RSRC1: variants seen among roughly 807,000 people sequenced by gnomAD.
RSRC1 encodes the protein arginine and serine rich coiled-coil 1, also known as serine/Arginine-related protein 53.
In RSRC1, 39 loss-of-function variants were observed where a neutral mutation model predicts 49.1. The ratio of observed to expected loss-of-function variants is 0.79; its 90% CI spans 0.61 to 1.04. The LOEUF is 1.04. Ranked by LOEUF, RSRC1 falls within the 50% of genes least tolerant of loss-of-function variation. RSRC1 has a pLI of 0.00. For synonymous variants in RSRC1, 143 were observed against 130.8 expected, an observed-to-expected ratio of 1.09 and a Z score of -0.63; for missense variants, 388 against 402.4, an observed-to-expected ratio of 0.96 and a Z score of 0.31.
intron 4 of RSRC1, among the ~76,000 whole-genome samples, chr3:158,244,049 A>G (rs1297300255): frequency 1.4e-5 from 2 of 147,758 alleles, no homozygotes; most frequent in African/African-American, 5.0e-5. Context: ...TTTTTTATAT[A>G]TAGGATTACA....
chr3:158,292,357 T>C lies in RSRC1; in HGVS notation c.495-5682T>C, dbSNP rs1180717164. Among the ~76,000 whole-genome samples the C allele has an allele frequency of 3.3e-5, 5 of 152,130 alleles. No individual in the cohort carries two copies. The East Asian group carries it at 9.6e-4, about 29-fold the overall frequency. ...TTAATATTGCAGTCTAATTCAGAAA[T>C]CGATGTGCTGCATGAGGGGAAGGGA... On this transcript the variant is annotated intron_variant, in intron 4 of 9. Transcript: ENST00000611884.
rs551111962 is a variant in RSRC1, at chr3:158,339,883, G to C, written c.532-14974G>C. 3.1e-4 allele frequency among the ~76,000 whole-genome samples: 47 copies of C among 152,300 alleles called. No homozygotes were observed. In the South Asian group the frequency reaches 4.8e-3, roughly 15 times the overall value. ...AGGGCATTACAGGAAGACAGAGCAG[G>C]AAATTGTAATCATCAGGAAGAGAGT... On this transcript the variant is annotated intron_variant, in intron 5 of 9. Coordinates refer to ENST00000611884, the MANE Select transcript of RSRC1 (RefSeq NM_001271838.2).
intron 6 of RSRC1, among the ~76,000 whole-genome samples, chr3:158,377,078 T>C (rs1433684372): frequency 1.3e-5 from 2 of 152,306 alleles, no homozygotes; most frequent in Middle Eastern, 3.4e-3. Flanking sequence ...GTTTAGTCAT[T>C]GAAGTCATTG....
At chr3:158,361,650 A>G (rs769837449) in intron 6 of RSRC1, among the ~76,000 whole-genome samples, 5 of 152,210 alleles carry the variant, frequency 3.3e-5, no homozygotes, top group African/African-American at 1.2e-4. Flanking sequence ...TTATGTTTCT[A>G]TGCTTAAGGT....
intron 6 of RSRC1, among the ~76,000 whole-genome samples, chr3:158,442,398 A>G (rs937359983): frequency 6.6e-6 from 1 of 152,142 alleles, no homozygotes; most frequent in African/African-American, 2.4e-5. Context: ...GTCATTTTTA[A>G]CAATGTCCCC....
At chr3:158,339,040 C>T (rs932271832) in intron 5 of RSRC1, among the ~76,000 whole-genome samples, 11 of 152,026 alleles carry the variant, frequency 7.2e-5, no homozygotes, top group African/African-American at 9.7e-5. Context: ...CGCCTGTAAT[C>T]CCAGCACTTT....
At chr3:158,229,323 CACAG>C (rs1313417887) in intron 4 of RSRC1, among the ~76,000 whole-genome samples, 2 of 147,544 alleles carry the variant, frequency 1.4e-5, no homozygotes, top group Non-Finnish European at 3.0e-5. Flanking sequence ...TATAAACATA[CACAG>C]GTATATGTGT....
At chr3:158,425,831 T>C (rs183340116) in intron 6 of RSRC1, among the ~76,000 whole-genome samples, 1 of 151,952 alleles carries the variant, frequency 6.6e-6, no homozygotes, top group East Asian at 2.0e-4. Context: ...AAAATTCATA[T>C]TGAATAGCAA....
At chr3:158,312,423 A>T (rs1222763675) in intron 5 of RSRC1, among the ~76,000 whole-genome samples, 3 of 152,182 alleles carry the variant, frequency 2.0e-5, no homozygotes, top group African/African-American at 7.2e-5. Flanking sequence ...TGGAATGATG[A>T]ACCAGATCAG....
At chr3:158,462,487 C>T (rs1477930571) in intron 7 of RSRC1, among the ~76,000 whole-genome samples, 1 of 151,802 alleles carries the variant, frequency 6.6e-6, no homozygotes, top group African/African-American at 2.4e-5. Flanking sequence ...TGGTTATTAG[C>T]CTAATCCTAT....
At chr3:158,186,296 A>T (rs577999017) in intron 3 of RSRC1, among the ~76,000 whole-genome samples, 1 of 152,106 alleles carries the variant, frequency 6.6e-6, no homozygotes, top group African/African-American at 2.4e-5. Flanking sequence ...CAGAATACAT[A>T]TGGCCCTTGT....
chr3:158,435,952 TTAATG>T (rs1471349577), intron 6 of RSRC1, among the ~76,000 whole-genome samples: 1 of 136,168 alleles, frequency 7.3e-6, no homozygotes, highest in Non-Finnish European at 1.7e-5. Context: ...AATGTACTAA[TTAATG>T]TAATTTTTTG....
At chr3:158,451,226 A>G (rs1441097245) in intron 6 of RSRC1, among the ~76,000 whole-genome samples, 1 of 151,952 alleles carries the variant, frequency 6.6e-6, no homozygotes, top group Non-Finnish European at 1.5e-5. Context: ...TACTAACAGC[A>G]TGACACTTTT....
intron 5 of RSRC1, among the ~76,000 whole-genome samples, chr3:158,312,034 G>A (rs1379289556): frequency 2.0e-5 from 3 of 152,058 alleles, no homozygotes; most frequent in Admixed American, 1.3e-4. Context: ...AGTGGACATG[G>A]TAGAAACCCT....
intron 7 of RSRC1, among the ~76,000 whole-genome samples, chr3:158,473,105 G>T (rs1738206163): frequency 6.6e-6 from 1 of 152,182 alleles, no homozygotes; most frequent in African/African-American, 2.4e-5. Context: ...AGACAGTGTG[G>T]CGATTCCTCG....
chr3:158,241,216 GGT>G (rs1723557049), intron 4 of RSRC1, among the ~76,000 whole-genome samples: 1 of 152,144 alleles, frequency 6.6e-6, no homozygotes, highest in Non-Finnish European at 1.5e-5. Flanking sequence ...GGGAAGCCAA[GGT>G]GGGTGGATCA....
At chr3:158,533,785 A>G (rs924330300) in intron 7 of RSRC1, among the ~76,000 whole-genome samples, 7 of 151,706 alleles carry the variant, frequency 4.6e-5, no homozygotes, top group Non-Finnish European at 1.0e-4. Flanking sequence ...TTGACATTGA[A>G]GTTGGATTAC....
intron 4 of RSRC1, among the ~76,000 whole-genome samples, chr3:158,229,163 T>C (rs1191646126): frequency 2.2e-5 from 3 of 138,960 alleles, no homozygotes; most frequent in Non-Finnish European, 4.7e-5. Context: ...TGTATATATG[T>C]ATATAAACAT....
intron 7 of RSRC1, among the ~76,000 whole-genome samples, chr3:158,498,076 A>G (rs1445072376): frequency 6.6e-6 from 1 of 152,112 alleles, no homozygotes; most frequent in Admixed American, 6.5e-5. Context: ...TCCTTTGGGT[A>G]GATAGATACC....
Sources: allele counts gnomAD v4.1 joint callset (sites outside exome capture counted in the v4.1 genomes callset), GRCh38; gene constraint gnomAD v4.1.1; transcripts MANE v1.5; gene names NCBI Gene and HGNC (gene_info 2026-07-23, HGNC 2026-07-21).